Variants in OCA2 observed in about 807,000 individuals in gnomAD.
OCA2 encodes OCA2 melanosomal transmembrane protein, also known as P protein.
A neutral mutation model predicts 100.2 loss-of-function variants in OCA2; 77 were observed. The observed-to-expected ratio is 0.77, with a 90% confidence interval of 0.64 to 0.93. OCA2 has a LOEUF of 0.93. Ranked by LOEUF, OCA2 falls within the 40% of genes least tolerant of loss-of-function variation. OCA2 has a pLI of 0.00. For synonymous variants in OCA2, 432 were observed against 439.2 expected (o/e 0.98, Z 0.21); for missense variants, 1,062 against 1,089.1 (o/e 0.98, Z 0.35).
intron 14 of OCA2, among the ~76,000 whole-genome samples, chr15:27,976,735 A>C (rs2040979312): frequency 6.6e-6 from 1 of 152,188 alleles, no homozygotes. Flanking sequence ...TCTAGTTCAC[A>C]TATCAAGGCC....
At chr15:27,752,132 CA>C (rs1404224712), downstream of OCA2, among the ~76,000 whole-genome samples, 19 of 152,224 alleles carry the variant, frequency 1.2e-4, 1 homozygote, top group African/African-American at 4.6e-4. Flanking sequence ...GCTCCTCATG[CA>C]AGCTCAGGCA....
At chr15:27,767,854 C>T (rs541257187) in intron 23 of OCA2, among the ~76,000 whole-genome samples, 52 of 152,328 alleles carry the variant, frequency 3.4e-4, no homozygotes, top group African/African-American at 1.2e-3. Context: ...TTTGTTCTTT[C>T]ACTCTTCACA....
At chr15:27,910,975 A>AG (rs2140255836) in intron 19 of OCA2, among the ~76,000 whole-genome samples, 1 of 152,190 alleles carries the variant, frequency 6.6e-6, no homozygotes, top group Non-Finnish European at 1.5e-5. Context: ...AAAGAAAGAA[A>AG]AAAAAGAAAA....
At chr15:27,979,868 GT>G (rs35266057) in intron 14 of OCA2, among the ~76,000 whole-genome samples, 49,714 of 107,936 alleles carry the variant, frequency 0.46, 11,600 homozygotes, top group Non-Finnish European at 0.61. Flanking sequence ...CCCAGCTAGT[GT>G]TTTTTTTTTT....
rs1034863880 is a variant in OCA2, at chr15:28,081,717, C to T, written c.158G>A (p.Arg53Lys). ...CCAAGAGCTCTGCCCGGCAGCCCCC[C>T]TGGGGCAGGAGTGCGAGGGGTCAGC... ...GGADPSHSCP[R>K]GAAGQSSWAP... is the part of the protein sequence containing the mutation. The change falls in exon 2 of 24, where the codon AGG (arginine) becomes AAG (lysine). Residue 53 changes from arginine to lysine, a missense_variant. Physicochemically the swap from Arg to Lys is conservative, Grantham distance 26. Transcript: ENST00000354638. 9 of 1,613,664 alleles carry T rather than the reference C, an allele frequency of 5.6e-6. No homozygotes were observed. In the African/African-American group the frequency reaches 1.2e-4, roughly 22 times the overall value.
At chr15:27,877,274 T>G (rs1407580903) in intron 19 of OCA2, among the ~76,000 whole-genome samples, 1 of 151,932 alleles carries the variant, frequency 6.6e-6, no homozygotes, top group Non-Finnish European at 1.5e-5. Flanking sequence ...GAATTGACCG[T>G]GCACGCATGA....
intron 21 of OCA2, among the ~76,000 whole-genome samples, chr15:27,865,739 G>A (rs77821515): frequency 0.013 from 1,929 of 152,248 alleles, 37 homozygotes; most frequent in African/African-American, 0.04. Context: ...GCCAGGCCAG[G>A]GCACAAACGT....
chr15:27,814,466 G>C (rs1401477832), intron 23 of OCA2, among the ~76,000 whole-genome samples: 1 of 152,188 alleles, frequency 6.6e-6, no homozygotes, highest in Admixed American at 6.5e-5. Context: ...ATCATCCACT[G>C]AATAGTCATG....
chr15:28,096,613 C>T (rs1033533772), intron 1 of OCA2, among the ~76,000 whole-genome samples: 1 of 152,158 alleles, frequency 6.6e-6, no homozygotes, highest in African/African-American at 2.4e-5. Context: ...CACTTCGGGC[C>T]TGGACCGAGA....
intron 1 of OCA2, among the ~76,000 whole-genome samples, chr15:28,096,767 G>C (rs2044991509): frequency 6.6e-6 from 1 of 152,180 alleles, no homozygotes; most frequent in African/African-American, 2.4e-5. Context: ...TTCCAGCCTG[G>C]GAGGAGGGGC....
At chr15:27,926,905 T>C (rs61439823) in intron 18 of OCA2, among the ~76,000 whole-genome samples, 61,518 of 152,074 alleles carry the variant, frequency 0.4, 12,557 homozygotes, top group Middle Eastern at 0.52. Context: ...TAAGCCACCA[T>C]GCCCCACCTG....
intron 14 of OCA2, among the ~76,000 whole-genome samples, chr15:27,978,004 G>A (rs2041025539): frequency 6.6e-6 from 1 of 152,218 alleles, no homozygotes; most frequent in Non-Finnish European, 1.5e-5. Context: ...CGCATTCCAA[G>A]CTGATGAGTA....
chr15:27,940,648 G>A (rs572776432), intron 18 of OCA2, among the ~76,000 whole-genome samples: 10 of 152,142 alleles, frequency 6.6e-5, no homozygotes, highest in East Asian at 5.8e-4. Flanking sequence ...TGATACATCC[G>A]GCACAAGAAA....
the OCA2 span, among the ~76,000 whole-genome samples, chr15:27,743,796 C>A: frequency 1.3e-5 from 2 of 152,150 alleles, no homozygotes; most frequent in African/African-American, 4.8e-5. Context: ...GAGAAGCTGA[C>A]GGCCCTTGGC....
chr15:27,828,900 C>G (rs543204109), intron 23 of OCA2, among the ~76,000 whole-genome samples: 5 of 152,286 alleles, frequency 3.3e-5, no homozygotes, highest in South Asian at 2.1e-4. Context: ...GCCGCCCTCT[C>G]AAGCGTGCTA....
intron 23 of OCA2, among the ~76,000 whole-genome samples, chr15:27,808,162 G>A (rs1234346703): frequency 6.6e-6 from 1 of 152,264 alleles, no homozygotes; most frequent in Non-Finnish European, 1.5e-5. Flanking sequence ...GGAACAGAGT[G>A]TAAAACAGGG....
intron 23 of OCA2, among the ~76,000 whole-genome samples, chr15:27,818,544 A>C (rs533457796): frequency 4.6e-5 from 7 of 152,278 alleles, no homozygotes; most frequent in African/African-American, 1.7e-4. Context: ...CAAACCCTGG[A>C]GAGTCTTGAG....
chr15:28,050,830 G>A (rs534980598), intron 2 of OCA2, among the ~76,000 whole-genome samples: 1 of 152,244 alleles, frequency 6.6e-6, no homozygotes, highest in African/African-American at 2.4e-5. Context: ...GTCAGGAGCA[G>A]ACCCTGAGAA....
At chr15:27,983,619 G>A (rs2041244902) in intron 13 of OCA2, 136 bp from the exon 14 acceptor site, 1 of 921,216 alleles carries the variant, frequency 1.1e-6, no homozygotes, top group Non-Finnish European at 1.7e-6. Flanking sequence ...GGGGAAGGCA[G>A]TGCTGGGGGG....
Sources: allele counts gnomAD v4.1 joint callset (sites outside exome capture counted in the v4.1 genomes callset), GRCh38; gene constraint gnomAD v4.1.1; transcripts MANE v1.5; gene names NCBI Gene and HGNC (gene_info 2026-07-23, HGNC 2026-07-21).